The following ESRRG variants were observed in gnomAD, a reference collection of about 807,000 sequenced individuals.
ESRRG encodes the protein estrogen related receptor gamma.
ESRRG carries 13 observed loss-of-function variants against 44.0 expected under a neutral mutation model. The observed-to-expected ratio is 0.30, with a 90% CI of 0.19 to 0.47. The LOEUF (loss-of-function observed/expected upper bound fraction) is 0.47, where lower values mean the gene tolerates loss of function less well. Among genes scored for constraint, ESRRG ranks in the 20% least tolerant of loss-of-function variants. The pLI is 1.00. For missense variants in ESRRG, 395 were observed against 580.6 expected, an observed-to-expected ratio of 0.68 and a Z score of 3.29; for synonymous variants, 215 against 214.6, an observed-to-expected ratio of 1.00 and a Z score of -0.02.
chr1:216,560,451 G>A (rs1161175207), intron 5 of ESRRG, among the ~76,000 whole-genome samples: 9 of 152,142 alleles, frequency 5.9e-5, no homozygotes, highest in African/African-American at 2.2e-4. Context: ...AAACCAAGTT[G>A]TCTGGCAAGA....
At chr1:216,994,959 T>A (rs1276003563) in intron 1 of ESRRG, among the ~76,000 whole-genome samples, 1 of 152,174 alleles carries the variant, frequency 6.6e-6, no homozygotes, top group African/African-American at 2.4e-5. Flanking sequence ...TGCACACAGA[T>A]GAGAGCACCT....
intron 2 of ESRRG, among the ~76,000 whole-genome samples, chr1:216,779,100 C>CTATA (rs1253011585): frequency 4.1e-4 from 46 of 113,494 alleles, no homozygotes; most frequent in African/African-American, 1.4e-3. Flanking sequence ...GAGGCTTAAA[C>CTATA]TATATATATA....
chr1:216,986,181 T>C (rs763721699), intron 1 of ESRRG, among the ~76,000 whole-genome samples: 2 of 152,212 alleles, frequency 1.3e-5, no homozygotes, highest in Non-Finnish European at 2.9e-5. Context: ...TCCTGGTATT[T>C]GGCAAAGGAA....
chr1:216,926,955 A>G (rs1458264521), intron 2 of ESRRG, among the ~76,000 whole-genome samples: 1 of 152,154 alleles, frequency 6.6e-6, no homozygotes, highest in Non-Finnish European at 1.5e-5. Context: ...CAATTACTAT[A>G]TTTCATGGAC....
chr1:216,893,200 T>G (rs1450978840), intron 2 of ESRRG, among the ~76,000 whole-genome samples: 1 of 152,182 alleles, frequency 6.6e-6, no homozygotes, highest in Non-Finnish European at 1.5e-5. Context: ...CCATTCTGTT[T>G]CCTTTAACAG....
chr1:216,996,666 TC>T (rs1438257479), intron 1 of ESRRG, among the ~76,000 whole-genome samples: 1 of 152,142 alleles, frequency 6.6e-6, no homozygotes, highest in Non-Finnish European at 1.5e-5. Context: ...TGCATTATAC[TC>T]AAAAAGTGCT....
intron 1 of ESRRG, among the ~76,000 whole-genome samples, chr1:217,043,551 G>A (rs555239953): frequency 1.3e-5 from 2 of 152,186 alleles, no homozygotes; most frequent in African/African-American, 4.8e-5. Context: ...TCATTAAAGA[G>A]CCATCATCTT....
intron 1 of ESRRG, among the ~76,000 whole-genome samples, chr1:217,065,786 A>G (rs1019880183): frequency 4.4e-4 from 67 of 152,220 alleles, no homozygotes; most frequent in African/African-American, 1.5e-3. Flanking sequence ...CTAGAAGCAA[A>G]TATAAACCTA....
intron 1 of ESRRG, among the ~76,000 whole-genome samples, chr1:216,983,631 T>TGTC (rs2074363318): frequency 6.6e-6 from 1 of 151,418 alleles, no homozygotes; most frequent in Non-Finnish European, 1.5e-5. Flanking sequence ...ATATTGTTGT[T>TGTC]ATACTAGAAT....
intron 2 of ESRRG, among the ~76,000 whole-genome samples, chr1:216,867,851 A>G (rs920477407): frequency 6.6e-6 from 1 of 152,090 alleles, no homozygotes; most frequent in African/African-American, 2.4e-5. Context: ...AAATATCACA[A>G]GAATCGGGGT....
chr1:216,760,786 C>A (rs1244527763), intron 2 of ESRRG, among the ~76,000 whole-genome samples: 1 of 152,000 alleles, frequency 6.6e-6, no homozygotes, highest in East Asian at 1.9e-4. Flanking sequence ...TTAATATGTA[C>A]TTAGAATTCA....
At chr1:216,646,245 C>T (rs1351050281) in intron 3 of ESRRG, among the ~76,000 whole-genome samples, 1 of 152,042 alleles carries the variant, frequency 6.6e-6, no homozygotes, top group Non-Finnish European at 1.5e-5. Context: ...AGCAAATTTT[C>T]ACTTATTGAT....
intron 1 of ESRRG, among the ~76,000 whole-genome samples, chr1:217,038,693 T>C (rs2083333564): frequency 6.6e-6 from 1 of 152,182 alleles, no homozygotes; most frequent in Non-Finnish European, 1.5e-5. Context: ...GGACCTGTGA[T>C]GGGAGGGGCT....
At chr1:216,855,129 A>C (rs1286956032) in intron 2 of ESRRG, 5 of 152,152 alleles carry the variant, frequency 3.3e-5, no homozygotes, top group Admixed American at 3.3e-4. Context: ...TTTCACCCTG[A>C]AGAGGAAAGG....
Position 216,614,112 on chromosome 1 carries a change from C to T in ESRRG, c.589+36861G>A, listed in dbSNP as rs78064358. On this transcript the variant is annotated intron_variant, in intron 3 of 6. Transcript: ENST00000408911. ...ACGATTTATGCTTTCATCTAGCTGA[C>T]GGACGATTAAATTAAAACAGATCAG... Among the ~76,000 whole-genome samples the T allele has an allele frequency of 1.4e-4, 22 of 152,298 alleles. No individual in the cohort carries two copies. In the East Asian group the frequency reaches 3.7e-3, roughly 25 times the overall value.
intron 2 of ESRRG, among the ~76,000 whole-genome samples, chr1:216,903,103 GT>G (rs1389465003): frequency 6.6e-6 from 1 of 152,138 alleles, no homozygotes. Context: ...GTGTATACAT[GT>G]TTCTCAGAGC....
At chr1:217,053,133 T>TAAAAAAAAAAAAAAAAAAAAAAAA (rs71303007) in intron 1 of ESRRG, among the ~76,000 whole-genome samples, 16 of 119,024 alleles carry the variant, frequency 1.3e-4, no homozygotes, top group East Asian at 1.3e-3. Context: ...AATCCCATCT[T>TAAAAAAAAAAAAAAAAAAAAAAAA]AAAAAAAAAA....
chr1:216,723,438 TC>T (rs2086808048), upstream of ESRRG: 4 of 740,880 alleles, frequency 5.4e-6, no homozygotes, highest in Admixed American at 8.9e-5. Flanking sequence ...TCTCACACTC[TC>T]CTAATCAAGG....
rs74550684 is a variant in ESRRG at position 216,695,545 on chromosome 1, C to A, written c.57-18054G>T. Among the ~76,000 whole-genome samples, 1,465 of 152,184 alleles carry A rather than the reference C, an allele frequency of 9.6e-3. 20 individuals carry two copies. Among genetic ancestry groups the A allele is most frequent in the African/African-American group, 0.033 (1,388 of 41,528 alleles). On this transcript the variant is annotated intron_variant, in intron 1 of 6. Transcript: ENST00000408911. ...TTTCCTTGAGGGCTAGACTATAGATCATATTTGACTTTGTATCCCCAGTAC... is the reference window on the plus strand; with the variant it reads ...TTTCCTTGAGGGCTAGACTATAGATAATATTTGACTTTGTATCCCCAGTAC...
Sources: allele counts gnomAD v4.1 joint callset (sites outside exome capture counted in the v4.1 genomes callset), GRCh38; gene constraint gnomAD v4.1.1; transcripts MANE v1.5; gene names NCBI Gene and HGNC (gene_info 2026-07-23, HGNC 2026-07-21).